NCKAP5: variants seen among roughly 807,000 people sequenced by gnomAD.
The protein encoded by NCKAP5 is NCK associated protein 5.
In NCKAP5, 92 loss-of-function variants were observed where a neutral mutation model predicts 167.0. That is an observed-to-expected ratio of 0.55 (90% CI 0.47 to 0.66). The LOEUF (loss-of-function observed/expected upper bound fraction) is 0.66, where lower values mean the gene tolerates loss of function less well. Among genes scored for constraint, NCKAP5 ranks in the 30% least tolerant of loss-of-function variants. The probability of loss-of-function intolerance (pLI) is 0.00; values close to 1 mark genes in which losing one functional copy is unlikely to be tolerated. For synonymous variants in NCKAP5, 891 were observed against 877.4 expected (o/e 1.02, Z -0.27); for missense variants, 2,378 against 2,315.0 (o/e 1.03, Z -0.56).
intron 3 of NCKAP5, among the ~76,000 whole-genome samples, chr2:133,498,232 T>A (rs1433435087): frequency 6.6e-6 from 1 of 152,158 alleles, no homozygotes; most frequent in Non-Finnish European, 1.5e-5. Context: ...CAGAGCTTCA[T>A]CATTCAGAAG....
At chr2:132,778,682 T>C (rs1000361877) in intron 15 of NCKAP5, among the ~76,000 whole-genome samples, 9 of 152,298 alleles carry the variant, frequency 5.9e-5, no homozygotes, top group African/African-American at 2.2e-4. Flanking sequence ...CAGTTTAAAA[T>C]AAGCAGACAG....
chr2:133,098,556 G>C (rs2081411743), intron 6 of NCKAP5, among the ~76,000 whole-genome samples: 1 of 151,994 alleles, frequency 6.6e-6, no homozygotes, highest in South Asian at 2.1e-4. Context: ...AAAATTCCGA[G>C]ACAAATATTC....
the NCKAP5 span, among the ~76,000 whole-genome samples, chr2:133,647,477 GAAA>G: frequency 2.0e-4 from 12 of 59,972 alleles, no homozygotes; most frequent in Non-Finnish European, 3.3e-4. Flanking sequence ...GCAAGGGAAG[GAAA>G]GGAAAGGAAA....
chr2:133,199,237 A>G (rs1198158242), intron 5 of NCKAP5, among the ~76,000 whole-genome samples: 1 of 144,508 alleles, frequency 6.9e-6, no homozygotes, highest in Non-Finnish European at 1.5e-5. Context: ...AAACTAGAAA[A>G]ATAAATAGAG....
intron 6 of NCKAP5, among the ~76,000 whole-genome samples, chr2:133,039,360 A>T (rs936421138): frequency 5.9e-5 from 9 of 152,200 alleles, no homozygotes; most frequent in Non-Finnish European, 1.3e-4. Flanking sequence ...AAATCAAGAT[A>T]ACTTCTAGTT....
intron 6 of NCKAP5, among the ~76,000 whole-genome samples, chr2:133,078,715 T>TC (rs2080699797): frequency 6.6e-6 from 1 of 152,146 alleles, no homozygotes; most frequent in Non-Finnish European, 1.5e-5. Context: ...CAACTCCCTT[T>TC]CCCTTAAACA....
chr2:133,544,886 A>T (rs1686528250), intron 2 of NCKAP5, among the ~76,000 whole-genome samples: 1 of 152,224 alleles, frequency 6.6e-6, no homozygotes, highest in South Asian at 2.1e-4. Flanking sequence ...AATCAAATTC[A>T]CATCTCAAAG....
chr2:132,880,695 A>G (rs1344131984), intron 8 of NCKAP5, among the ~76,000 whole-genome samples: 1 of 152,184 alleles, frequency 6.6e-6, no homozygotes, highest in Non-Finnish European at 1.5e-5. Context: ...ACTGTGACAC[A>G]ATCATTATAC....
chr2:133,441,094 TCACACACA>T (rs56053040), intron 3 of NCKAP5, among the ~76,000 whole-genome samples: 167 of 149,710 alleles, frequency 1.1e-3, no homozygotes, highest in Middle Eastern at 3.4e-3. Flanking sequence ...ACACACACAC[TCACACACA>T]CACACACACA....
At chr2:133,338,722 C>A (rs1683376509) in intron 3 of NCKAP5, among the ~76,000 whole-genome samples, 1 of 152,036 alleles carries the variant, frequency 6.6e-6, no homozygotes. Flanking sequence ...AAATACAAGG[C>A]CATGGCCAGG....
intron 4 of NCKAP5, among the ~76,000 whole-genome samples, chr2:133,285,403 G>C (rs2090071810): frequency 6.6e-6 from 1 of 151,516 alleles, no homozygotes; most frequent in African/African-American, 2.4e-5. Flanking sequence ...GAAGATAACA[G>C]CTCTGCTTTA....
rs529928561 is a variant in NCKAP5 at position 132,809,292 on chromosome 2, C to T, written c.808-12563G>A. On this transcript the variant is annotated intron_variant, in intron 11 of 19. Coordinates refer to ENST00000409261, the MANE Select transcript of NCKAP5 (RefSeq NM_207363.3). ...ATAAATCTGTTAAGTCCATTTGTTC[C>T]AAGGTATAGTTTACATCCATTGTTT... Among the ~76,000 whole-genome samples, 215 of 152,100 alleles carry T rather than the reference C, an allele frequency of 1.4e-3. 1 individual carries two copies. Among genetic ancestry groups the T allele is most frequent in the African/African-American group, 4.9e-3 (204 of 41,504 alleles).
intron 5 of NCKAP5, among the ~76,000 whole-genome samples, chr2:133,189,452 G>A (rs1049317885): frequency 6.6e-6 from 1 of 151,690 alleles, no homozygotes; most frequent in Non-Finnish European, 1.5e-5. Flanking sequence ...GCATCATCCT[G>A]ACACCAAAGC....
At chr2:133,586,959 C>T in the NCKAP5 span, among the ~76,000 whole-genome samples, 3 of 152,242 alleles carry the variant, frequency 2.0e-5, no homozygotes, top group East Asian at 5.8e-4. Context: ...GCAGCCAGTT[C>T]AGAATCTCTG....
At chr2:133,564,191 C>T (rs536052816) in intron 1 of NCKAP5, among the ~76,000 whole-genome samples, 5 of 152,050 alleles carry the variant, frequency 3.3e-5, no homozygotes, top group African/African-American at 9.6e-5. Context: ...TCTTATCCAC[C>T]CATGTGACTT....
At chr2:133,297,472 A>G (rs1680048933) in intron 4 of NCKAP5, among the ~76,000 whole-genome samples, 1 of 152,178 alleles carries the variant, frequency 6.6e-6, no homozygotes, top group Non-Finnish European at 1.5e-5. Flanking sequence ...TCAACAGAAT[A>G]TTAGACAGGA....
chr2:133,545,399 C>A (rs1229737710), intron 2 of NCKAP5, among the ~76,000 whole-genome samples: 1 of 152,058 alleles, frequency 6.6e-6, no homozygotes, highest in African/African-American at 2.4e-5. Context: ...CAATAGTTTG[C>A]GCAGATTTAG....
intron 3 of NCKAP5, among the ~76,000 whole-genome samples, chr2:133,328,275 A>C (rs1004838978): frequency 4.6e-5 from 7 of 152,152 alleles, no homozygotes; most frequent in Non-Finnish European, 1.0e-4. Context: ...ATCTGCTCTC[A>C]TTATGTCATT....
intron 3 of NCKAP5, among the ~76,000 whole-genome samples, chr2:133,427,888 T>C (rs1263218648): frequency 2.6e-5 from 4 of 152,240 alleles, no homozygotes. Flanking sequence ...CCTGAAATTC[T>C]GATGCATCTA....
Sources: gnomAD v4.1 joint callset for allele counts (sites outside exome capture counted in the v4.1 genomes callset) on GRCh38, gnomAD v4.1.1 for gene constraint, MANE v1.5 for transcripts, NCBI Gene and HGNC (gene_info 2026-07-23, HGNC 2026-07-21) for gene names.